TAFA5: variants seen among roughly 807,000 people sequenced by gnomAD.
TAFA5 encodes the protein TAFA chemokine like family member 5.
TAFA5 carries 6 observed loss-of-function variants against 15.3 expected under a neutral mutation model. The observed-to-expected ratio is 0.39, with a 90% CI of 0.21 to 0.77. The LOEUF is 0.77. Ranked by LOEUF, TAFA5 falls within the 30% of genes least tolerant of loss-of-function variation. TAFA5 has a pLI of 0.41. For missense variants in TAFA5, 161 were observed against 193.1 expected, an observed-to-expected ratio of 0.83 and a Z score of 0.98; for synonymous variants, 103 against 80.7, an observed-to-expected ratio of 1.28 and a Z score of -1.48.
chr22:48,748,420 G>A (rs1001770369), intron 3 of TAFA5, among the ~76,000 whole-genome samples: 1 of 152,242 alleles, frequency 6.6e-6, no homozygotes, highest in African/African-American at 2.4e-5. Context: ...CACACCAGCT[G>A]TGACCCAGGC....
intron 3 of TAFA5, among the ~76,000 whole-genome samples, chr22:48,732,698 A>C (rs1190288708): frequency 6.6e-6 from 1 of 152,242 alleles, no homozygotes; most frequent in African/African-American, 2.4e-5. Flanking sequence ...CGATTTTGAA[A>C]GAAGTTCTTC....
chr22:48,525,562 C>T (rs1483413848), intron 1 of TAFA5, among the ~76,000 whole-genome samples: 1 of 152,200 alleles, frequency 6.6e-6, no homozygotes, highest in Non-Finnish European at 1.5e-5. Context: ...TGGCCCAGGT[C>T]CACCCTCTGC....
At chr22:48,589,986 C>CGTGTGTGTGT (rs35969553) in intron 1 of TAFA5, among the ~76,000 whole-genome samples, 1,556 of 149,750 alleles carry the variant, frequency 0.01, 16 homozygotes, top group East Asian at 0.041. Flanking sequence ...TTGCAGCCGA[C>CGTGTGTGTGT]GTGTGTGTGT....
intron 3 of TAFA5, among the ~76,000 whole-genome samples, chr22:48,711,427 C>G (rs901061774): frequency 6.6e-6 from 1 of 152,096 alleles, no homozygotes; most frequent in East Asian, 1.9e-4. Flanking sequence ...GCCCTGTAAT[C>G]TTCCCAGGTA....
At chr22:48,694,286 C>G (rs539632707) in intron 2 of TAFA5, among the ~76,000 whole-genome samples, 1 of 152,328 alleles carries the variant, frequency 6.6e-6, no homozygotes, top group African/African-American at 2.4e-5. Context: ...AGGGCCCCAA[C>G]GCTCAGAAAG....
chr22:48,708,371 C>T (rs941334878), intron 3 of TAFA5, among the ~76,000 whole-genome samples: 10 of 152,196 alleles, frequency 6.6e-5, no homozygotes, highest in African/African-American at 2.4e-4. Flanking sequence ...CTCTGTCCCC[C>T]TGAGTGGGGC....
intron 1 of TAFA5, chr22:48,576,710 A>C: frequency 9.3e-7 from 1 of 1,075,396 alleles, no homozygotes; most frequent in Non-Finnish European, 1.2e-6. Context: ...GCGGGCCCGG[A>C]GCGGCCGGCG....
intron 2 of TAFA5, among the ~76,000 whole-genome samples, chr22:48,672,711 A>G (rs1927839840): frequency 6.6e-6 from 1 of 152,170 alleles, no homozygotes; most frequent in Admixed American, 6.5e-5. Context: ...CTGATGCATC[A>G]TTGCATGACA....
intron 2 of TAFA5, among the ~76,000 whole-genome samples, chr22:48,664,563 A>G (rs1290073889): frequency 6.6e-6 from 1 of 152,096 alleles, no homozygotes; most frequent in East Asian, 1.9e-4. Context: ...TATACAGGCA[A>G]ATTGGAAATT....
At chr22:48,576,645 G>T in intron 1 of TAFA5, 1 of 1,275,420 alleles carries the variant, frequency 7.8e-7, no homozygotes. Context: ...GCCCGACCCG[G>T]CTTCCAGCAC....
chr22:48,617,359 G>A (rs1478939266), intron 1 of TAFA5, among the ~76,000 whole-genome samples: 3 of 152,212 alleles, frequency 2.0e-5, no homozygotes, highest in Non-Finnish European at 4.4e-5. Flanking sequence ...AGAGACCTTA[G>A]AAGAAATCAG....
intron 1 of TAFA5, among the ~76,000 whole-genome samples, chr22:48,585,060 C>A (rs966170798): frequency 1.7e-5 from 2 of 119,900 alleles, no homozygotes; most frequent in African/African-American, 3.2e-5. Flanking sequence ...CTCACAAAAA[C>A]ATCACACACA....
At chr22:48,627,543 G>C (rs1001258314) in intron 1 of TAFA5, among the ~76,000 whole-genome samples, 1 of 152,256 alleles carries the variant, frequency 6.6e-6, no homozygotes, top group Non-Finnish European at 1.5e-5. Flanking sequence ...GTTCCATCCC[G>C]CTGTGCTTGG....
chr22:48,693,388 C>T (rs202035637), intron 2 of TAFA5: 160 of 1,612,450 alleles, frequency 9.9e-5, no homozygotes, highest in South Asian at 1.5e-4. Context: ...CCAGGTGAGT[C>T]GGAGATCCGT....
At chr22:48,542,490 TGGTGTGTGTGC>T (rs1467660636) in intron 1 of TAFA5, among the ~76,000 whole-genome samples, 1 of 68,550 alleles carries the variant, frequency 1.5e-5, no homozygotes, top group African/African-American at 5.0e-5. Flanking sequence ...GGTGTGTGTG[TGGTGTGTGTGC>T]GTGTGTGGCA....
chr22:48,635,425 C>A (rs761786), intron 1 of TAFA5, among the ~76,000 whole-genome samples: 8 of 152,286 alleles, frequency 5.3e-5, no homozygotes, highest in African/African-American at 1.9e-4. Flanking sequence ...TCCTGGCCGC[C>A]TCTAGCAACC....
In TAFA5 at chr22:48,489,716, GCGGCCC is replaced by G; in HGVS notation, c.112+23_112+28del. ...CATCGCCTACTGCAGTGAGTACCGC[GCGGCCC>G]CGGCCCCGGCACGGCCCTCTGGGCC... is the stretch of plus-strand genomic sequence containing the variant. On this transcript the variant is annotated intron_variant, in intron 1 of 3. Transcript: ENST00000402357. The surrounding 1 kb of genome is among the most constrained non-coding windows in gnomAD (Gnocchi z 5.5). 1 of 1,435,742 alleles carries G rather than the reference GCGGCCC, an allele frequency of 7.0e-7. No individual in the cohort carries two copies. Among genetic ancestry groups the G allele is most frequent in the East Asian group, 3.1e-5 (1 of 32,630 alleles). The allele number at this position is 1,435,742 out of a possible 1,614,324, so 88.9% of individuals were successfully genotyped here. A position where few individuals can be genotyped will look rare whatever the true frequency, so the allele number is the denominator to read the frequency against.
chr22:48,592,334 A>G (rs969324400), intron 1 of TAFA5, among the ~76,000 whole-genome samples: 3 of 152,176 alleles, frequency 2.0e-5, no homozygotes, highest in African/African-American at 7.2e-5. Context: ...CTGGTGTGTG[A>G]CCTGGTGGCT....
At chr22:48,599,439 C>T (rs1046057995) in intron 1 of TAFA5, among the ~76,000 whole-genome samples, 5 of 152,354 alleles carry the variant, frequency 3.3e-5, no homozygotes, top group Admixed American at 6.5e-5. Flanking sequence ...GCAGGTTGGG[C>T]GTCACAGGCC....
Sources: gnomAD v4.1 joint callset for allele counts (sites outside exome capture counted in the v4.1 genomes callset) on GRCh38, gnomAD v4.1.1 for gene constraint, Gnocchi (gnomAD v3.1) non-coding constraint, MANE v1.5 for transcripts, NCBI Gene and HGNC (gene_info 2026-07-23, HGNC 2026-07-21) for gene names.